The following RRM1 variants were observed in gnomAD, a reference collection of about 807,000 sequenced individuals.
The protein encoded by RRM1 is ribonucleotide reductase catalytic subunit M1.
A neutral mutation model predicts 101.5 loss-of-function variants in RRM1; 19 were observed. The observed-to-expected ratio is 0.19, with a 90% CI of 0.13 to 0.27. The LOEUF (loss-of-function observed/expected upper bound fraction) is 0.27. Ranked by LOEUF, RRM1 falls within the 10% of genes least tolerant of loss-of-function variation. The pLI is 1.00. For synonymous variants in RRM1, 298 were observed against 323.4 expected, an observed-to-expected ratio of 0.92 and a Z score of 0.84; for missense variants, 500 against 962.9, an observed-to-expected ratio of 0.52 and a Z score of 6.36.
intron 7 of RRM1, among the ~76,000 whole-genome samples, chr11:4,112,614 T>G (rs1444709850): frequency 6.6e-6 from 1 of 152,228 alleles, no homozygotes; most frequent in Admixed American, 6.5e-5. Context: ...TCCACCCGCC[T>G]TGGCCTCCCA....
intron 1 of RRM1, among the ~76,000 whole-genome samples, chr11:4,096,114 G>A (rs1447012044): frequency 1.3e-5 from 2 of 152,162 alleles, no homozygotes; most frequent in Admixed American, 6.5e-5. Context: ...TAACCTTGAA[G>A]TCCTGGGCTC....
intron 2 of RRM1, among the ~76,000 whole-genome samples, chr11:4,103,938 T>C (rs1033652153): frequency 1.0e-5 from 1 of 97,206 alleles, no homozygotes; most frequent in Non-Finnish European, 2.1e-5. Flanking sequence ...CCCTCAACCC[T>C]GTTTCTACAA....
chr11:4,136,960 T>C (rs2094611687), intron 18 of RRM1, among the ~76,000 whole-genome samples: 1 of 150,626 alleles, frequency 6.6e-6, no homozygotes, highest in Admixed American at 6.6e-5. Context: ...GATTAGGGAG[T>C]GGTGATGACT....
At chr11:4,096,174 C>T (rs1299468883) in intron 1 of RRM1, among the ~76,000 whole-genome samples, 1 of 152,068 alleles carries the variant, frequency 6.6e-6, no homozygotes, top group Non-Finnish European at 1.5e-5. Flanking sequence ...TATAGGCATG[C>T]ACCACCATGA....
intron 2 of RRM1, chr11:4,105,809 C>T: frequency 2.1e-6 from 1 of 476,230 alleles, no homozygotes; most frequent in South Asian, 2.2e-5. Context: ...AAGCCATTCT[C>T]CCACATTGGC....
chr11:4,123,542 G>A (rs2094584940), intron 12 of RRM1, among the ~76,000 whole-genome samples, 158 bp downstream of exon 12: 1 of 152,216 alleles, frequency 6.6e-6, no homozygotes, highest in East Asian at 1.9e-4. Context: ...AGGAAGGAAA[G>A]GGTATGATCT....
intron 2 of RRM1, chr11:4,105,499 G>A (rs2094557004): frequency 2.7e-6 from 1 of 365,220 alleles, no homozygotes; most frequent in Non-Finnish European, 5.2e-6. Context: ...CCAAAGTGTT[G>A]GGATTACAGG....
intron 2 of RRM1, chr11:4,105,578 C>CTTTT (rs55705631): frequency 0.031 from 8,578 of 278,602 alleles, 28 homozygotes; most frequent in South Asian, 0.051. Context: ...TTTTTCTTTC[C>CTTTT]TTTTTTTTTT....
chr11:4,109,633 AC>A lies in RRM1; in HGVS notation c.388-7del, dbSNP rs2094562804. On this transcript the variant is annotated splice_polypyrimidine_tract_variant and intron_variant, in intron 4 of 18. Coordinates refer to ENST00000300738, the MANE Select transcript of RRM1 (RefSeq NM_001033.5). ...TTAATTTAATTATGGGTTCTTTTTCACCCCTATCAGCGCCTGAATTCTGCTA... is the reference window on the plus strand; with the variant it reads ...TTAATTTAATTATGGGTTCTTTTTCACCCTATCAGCGCCTGAATTCTGCTA... The A allele has an allele frequency of 6.3e-7, 1 of 1,595,498 alleles. No individual in the cohort carries two copies. Among genetic ancestry groups the A allele is most frequent in the African/African-American group, 1.3e-5 (1 of 74,136 alleles).
chr11:4,114,550 TA>T (rs776225425), intron 7 of RRM1, among the ~76,000 whole-genome samples: 896 of 130,432 alleles, frequency 6.9e-3, no homozygotes, highest in Middle Eastern at 0.012. Flanking sequence ...AACTCTATCT[TA>T]AAAAAAAAAA....
At chr11:4,096,399 G>C (rs1188461923) in intron 1 of RRM1, among the ~76,000 whole-genome samples, 1 of 152,172 alleles carries the variant, frequency 6.6e-6, no homozygotes, top group African/African-American at 2.4e-5. Flanking sequence ...TCAAAATGTA[G>C]GACACGATGA....
intron 1 of RRM1, chr11:4,099,295 A>ATTTTTTTTTTTTTTTTTTTTTTTTTT (rs34579912): frequency 9.1e-5 from 7 of 76,978 alleles, no homozygotes; most frequent in East Asian, 4.3e-4. Context: ...TACCCAGCTA[A>ATTTTTTTTTTTTTTTTTTTTTTTTTT]TTTTTTTTTT....
chr11:4,129,177 T>C (rs1250468532), intron 15 of RRM1, 27 bp downstream of exon 15: 2 of 1,412,204 alleles, frequency 1.4e-6, no homozygotes, highest in East Asian at 2.3e-5. Context: ...AAAGTAGCTT[T>C]GAAGGCAGAA....
chr11:4,138,590 G>GA lies in RRM1; in HGVS notation c.*214dup. On this transcript the variant is annotated 3_prime_UTR_variant, in exon 19 of 19. Coordinates refer to ENST00000300738, the MANE Select transcript of RRM1 (RefSeq NM_001033.5). ...GGATTTTCACCAAAATAATGCTTTT[G>GA]AAAAAAAGAAAAAAAAAACGGATAT... 5.7e-6 allele frequency: 2 copies of GA among 352,630 alleles called. No individual in the cohort carries two copies. The highest frequency in any genetic ancestry group is 1.0e-5 in the Non-Finnish European group (2 of 199,328). The allele number at this position is 352,630 out of a possible 1,614,324, so 21.8% of individuals were successfully genotyped here.
chr11:4,102,095 G>GT lies in RRM1; in HGVS notation c.108+19dup, dbSNP rs770217665. 7.4e-7 allele frequency: 1 copy of GT among 1,357,624 alleles called. No individual in the cohort carries two copies. The highest frequency in any genetic ancestry group is 1.1e-6 in the Non-Finnish European group (1 of 951,320). 84.1% of individuals were successfully genotyped at this position (1,357,624 alleles called of 1,614,324 possible). A position where few individuals can be genotyped will look rare whatever the true frequency, so the allele number is the denominator to read the frequency against. The stretch of plus-strand genomic sequence containing the variant: ...TTTGTTGATCCTGTAAGTAAATATG[G>GT]TTTTTATCTTGGGTTCCTTCTTTCA... On this transcript the variant is annotated intron_variant, in intron 2 of 18. Coordinates refer to ENST00000300738, the MANE Select transcript of RRM1 (RefSeq NM_001033.5).
At chr11:4,109,408 C>A (rs2094562486) in intron 4 of RRM1, among the ~76,000 whole-genome samples, 1 of 151,702 alleles carries the variant, frequency 6.6e-6, no homozygotes, top group South Asian at 2.1e-4. Flanking sequence ...TATGTATTAT[C>A]TTCTAGTGTT....
In RRM1 at chr11:4,110,817, AAAC is replaced by A. The variant is rs1344182947; in HGVS notation, c.448-779_448-777del. On this transcript the variant is annotated intron_variant, in intron 5 of 18. Coordinates refer to ENST00000300738, the MANE Select transcript of RRM1 (RefSeq NM_001033.5). ...CCTGTAACAGACCAGGCACTGCTCT[AAAC>A]AACATATACACTCATTTAATCCGCT... Among the ~76,000 whole-genome samples, 6 of 151,540 alleles carry A rather than the reference AAAC, an allele frequency of 4.0e-5. No individual in the cohort carries two copies. The East Asian group carries it at 1.2e-3, about 30-fold the overall frequency.
At chr11:4,098,414 C>T (rs1226263302) in intron 1 of RRM1, among the ~76,000 whole-genome samples, 2 of 113,622 alleles carry the variant, frequency 1.8e-5, no homozygotes, top group Non-Finnish European at 3.7e-5. Flanking sequence ...TCCGTCCCTT[C>T]CTCCTTCCTT....
At chr11:4,120,075 G>T in intron 9 of RRM1, 147 bp downstream of exon 9, 1 of 560,872 alleles carries the variant, frequency 1.8e-6, no homozygotes, top group African/African-American at 1.9e-5. Flanking sequence ...ATTTTAATAT[G>T]CATATACTTT....
Sources: gnomAD v4.1 joint callset for allele counts (sites outside exome capture counted in the v4.1 genomes callset) on GRCh38, gnomAD v4.1.1 for gene constraint, MANE v1.5 for transcripts, NCBI Gene and HGNC (gene_info 2026-07-23, HGNC 2026-07-21) for gene names.